SLC24A2: variants seen among roughly 807,000 people sequenced by gnomAD.
SLC24A2 encodes solute carrier family 24 member 2, also known as sodium/potassium/calcium exchanger 2.
In SLC24A2, 36 loss-of-function variants were observed where a neutral mutation model predicts 62.0. The ratio of observed to expected loss-of-function variants is 0.58; its 90% confidence interval spans 0.44 to 0.77. SLC24A2 has a LOEUF of 0.77. SLC24A2 is among the 30% of genes least tolerant of loss of function. The pLI, the probability that SLC24A2 is intolerant of heterozygous loss-of-function variation, is 0.00. For synonymous variants in SLC24A2, 358 were observed against 294.0 expected, an observed-to-expected ratio of 1.22 and a Z score of -2.23; for missense variants, 846 against 817.9, an observed-to-expected ratio of 1.03 and a Z score of -0.42.
chr9:19,842,239 G>A, the SLC24A2 span, among the ~76,000 whole-genome samples: 3 of 152,194 alleles, frequency 2.0e-5, no homozygotes, highest in Non-Finnish European at 4.4e-5. Flanking sequence ...TTTCTGTACA[G>A]TATTGAGTCT....
chr9:19,884,942 A>G, the SLC24A2 span, among the ~76,000 whole-genome samples: 1 of 151,866 alleles, frequency 6.6e-6, no homozygotes, highest in African/African-American at 2.4e-5. Context: ...TATTGGGATA[A>G]AACCACACGG....
rs915241598 is a variant in SLC24A2, at chr9:19,507,523, T to C, written c.*8630A>G. 1.3e-5 allele frequency: 2 copies of C among 152,234 alleles called. No individual in the cohort carries two copies. The highest frequency in any genetic ancestry group is 4.8e-5 in the African/African-American group (2 of 41,458). The allele number at this position is 152,234 out of a possible 1,614,324, so 9.4% of individuals were successfully genotyped here. A position where few individuals can be genotyped will look rare whatever the true frequency, so the allele number is the denominator to read the frequency against. On this transcript the variant is annotated 3_prime_UTR_variant, in exon 11 of 11. Transcript: ENST00000341998. ...GGAGACTTAGTTACATAAAGTGATA[T>C]TCTATGAATTGATTATCAGTAGTAG... is the stretch of plus-strand genomic sequence containing the variant.
At chr9:19,940,413 T>C in the SLC24A2 span, among the ~76,000 whole-genome samples, 1 of 152,314 alleles carries the variant, frequency 6.6e-6, no homozygotes. Flanking sequence ...AGAGGTGGGC[T>C]CCCTTCCTAG....
intron 9 of SLC24A2, among the ~76,000 whole-genome samples, chr9:19,525,345 T>C (rs1237899015): frequency 6.6e-6 from 1 of 151,696 alleles, no homozygotes; most frequent in African/African-American, 2.4e-5. Flanking sequence ...ATTCACCTTT[T>C]TAAAAAGTGT....
the SLC24A2 span, among the ~76,000 whole-genome samples, chr9:19,975,735 CT>C: frequency 7.4e-5 from 11 of 149,432 alleles, no homozygotes; most frequent in Admixed American, 1.3e-4. Flanking sequence ...GGGTTGGAGA[CT>C]TTTTTTTTTC....
chr9:19,707,776 T>C (rs1159758850), intron 2 of SLC24A2, among the ~76,000 whole-genome samples: 1 of 152,180 alleles, frequency 6.6e-6, no homozygotes, highest in Admixed American at 6.5e-5. Context: ...GAGCTATCTA[T>C]GACAAACCCA....
chr9:19,576,805 G>T, intron 6 of SLC24A2, 119 bp downstream of exon 6: 1 of 694,708 alleles, frequency 1.4e-6, no homozygotes, highest in African/African-American at 2.9e-5. Flanking sequence ...ACAGGGAAGG[G>T]CTGTGCTGCA....
At chr9:19,913,352 C>G in the SLC24A2 span, among the ~76,000 whole-genome samples, 6,713 of 152,182 alleles carry the variant, frequency 0.044, 269 homozygotes, top group East Asian at 0.21. Context: ...ATAAATCACT[C>G]TGACTTCATC....
At chr9:20,177,168 T>G in the SLC24A2 span, among the ~76,000 whole-genome samples, 1 of 152,174 alleles carries the variant, frequency 6.6e-6, no homozygotes, top group African/African-American at 2.4e-5. Flanking sequence ...ATTCTTGATA[T>G]AGGCCATTTG....
intron 8 of SLC24A2, among the ~76,000 whole-genome samples, chr9:19,547,274 T>G (rs192585234): frequency 6.6e-6 from 1 of 152,114 alleles, no homozygotes; most frequent in Admixed American, 6.5e-5. Context: ...GGGCTAGCAC[T>G]TGGGGGAGCA....
the SLC24A2 span, chr9:19,926,673 T>G: frequency 2.0e-5 from 3 of 152,062 alleles, no homozygotes; most frequent in Admixed American, 2.0e-4. Flanking sequence ...AAAAGAAGAT[T>G]CCCCAGAGAG....
chr9:19,913,858 T>C, the SLC24A2 span, among the ~76,000 whole-genome samples: 2 of 152,042 alleles, frequency 1.3e-5, no homozygotes, highest in African/African-American at 4.8e-5. Context: ...ATTCCATCAA[T>C]CCATACTTAA....
chr9:20,248,503 T>C, the SLC24A2 span, among the ~76,000 whole-genome samples: 1 of 152,264 alleles, frequency 6.6e-6, no homozygotes, highest in South Asian at 2.1e-4. Context: ...TCCTGCTGTG[T>C]CCTCACATGG....
chr9:19,618,444 C>A (rs778409573), intron 4 of SLC24A2, among the ~76,000 whole-genome samples: 2 of 152,176 alleles, frequency 1.3e-5, no homozygotes, highest in African/African-American at 2.4e-5. Flanking sequence ...ATACAACTCT[C>A]TGTGGTATAA....
chr9:19,887,851 T>C, the SLC24A2 span, among the ~76,000 whole-genome samples: 3 of 152,214 alleles, frequency 2.0e-5, no homozygotes, highest in African/African-American at 7.2e-5. Flanking sequence ...ATTAATGACT[T>C]TCACAACAAC....
At chr9:20,195,207 G>A in the SLC24A2 span, among the ~76,000 whole-genome samples, 4 of 151,870 alleles carry the variant, frequency 2.6e-5, no homozygotes, top group Non-Finnish European at 4.4e-5. Context: ...TTCCAGTTAG[G>A]GGAAATTATA....
the SLC24A2 span, among the ~76,000 whole-genome samples, chr9:19,869,207 C>T: frequency 6.6e-6 from 1 of 152,114 alleles, no homozygotes; most frequent in East Asian, 1.9e-4. Context: ...TCTCAAACTC[C>T]TAGGCTCAAG....
the SLC24A2 span, among the ~76,000 whole-genome samples, chr9:19,954,512 A>G: frequency 1.3e-5 from 2 of 152,164 alleles, no homozygotes; most frequent in African/African-American, 4.8e-5. Flanking sequence ...TTTCCCCAGG[A>G]AAGATTGGAA....
In SLC24A2 at chr9:19,613,374, C is replaced by G. The variant is rs570621240; in HGVS notation, c.1078+6210G>C. On this transcript the variant is annotated intron_variant, in intron 4 of 10. Transcript: ENST00000341998. ...GCCTGGGCTGCAGAAGCTTTAGAAG[C>G]AGTTCAAGACCACGCATTTTACAAT... Among the ~76,000 whole-genome samples, 3 of 152,306 alleles carry G rather than the reference C, an allele frequency of 2.0e-5. No individual in the cohort carries two copies. The South Asian group carries it at 6.2e-4, about 32-fold the overall frequency.
Sources: gnomAD v4.1 joint callset for allele counts (sites outside exome capture counted in the v4.1 genomes callset) on GRCh38, gnomAD v4.1.1 for gene constraint, MANE v1.5 for transcripts, NCBI Gene and HGNC (gene_info 2026-07-23, HGNC 2026-07-21) for gene names.